The following HDAC8 variants were observed in gnomAD, a reference collection of about 807,000 sequenced individuals.
HDAC8 encodes histone deacetylase 8, also known as histone deacetylase-like 1.
In HDAC8, 1 loss-of-function variant was observed where a neutral mutation model predicts 32.2. The ratio of observed to expected loss-of-function variants is 0.03; its 90% CI spans 0.01 to 0.15. HDAC8 has a LOEUF of 0.15. HDAC8 is among the 10% of genes least tolerant of loss of function. HDAC8 has a pLI of 1.00. For missense variants in HDAC8, 117 were observed against 300.0 expected (o/e 0.39, Z 4.51); for synonymous variants, 108 against 113.9 (o/e 0.95, Z 0.33).
At chrX:72,366,271 G>T (rs1250949421) in intron 9 of HDAC8, among the ~76,000 whole-genome samples, 1 of 111,942 alleles carries the variant, frequency 8.9e-6, no homozygotes, top group Non-Finnish European at 1.9e-5. Context: ...TTGAAAGCAG[G>T]ACATACAAAG....
rs140961477 is a variant in HDAC8 at position 72,530,755 on chromosome X, T to C, written c.438-35487A>G. ...AATCAATCAGCCATTAATTGGTATCTTACCATGGGCCAGGCTTATACTTAG... is the reference window on the plus strand; with the variant it reads ...AATCAATCAGCCATTAATTGGTATCCTACCATGGGCCAGGCTTATACTTAG... On this transcript the variant is annotated intron_variant, in intron 4 of 10. Coordinates refer to ENST00000373573, the MANE Select transcript of HDAC8 (RefSeq NM_018486.3). Among the ~76,000 whole-genome samples the C allele has an allele frequency of 6.0e-3, 673 of 112,006 alleles. 4 individuals carry two copies. Among genetic ancestry groups the C allele is most frequent in the Non-Finnish European group, 0.011 (577 of 53,188 alleles).
chrX:72,416,320 C>T (rs868948803), intron 9 of HDAC8, among the ~76,000 whole-genome samples: 5 of 102,003 alleles, frequency 4.9e-5, no homozygotes, highest in African/African-American at 7.2e-5. Context: ...ATATAGAATG[C>T]TGTATTTTGC....
intron 9 of HDAC8, among the ~76,000 whole-genome samples, chrX:72,446,722 T>G (rs2047413276): frequency 9.3e-6 from 1 of 107,288 alleles, no homozygotes; most frequent in Non-Finnish European, 1.9e-5. Context: ...GAGAGGAGAA[T>G]CAAATAGACA....
intron 10 of HDAC8, among the ~76,000 whole-genome samples, chrX:72,348,800 C>T (rs1333740942): frequency 2.7e-5 from 3 of 111,676 alleles, no homozygotes; most frequent in Non-Finnish European, 5.6e-5. Context: ...CCTCCCCACA[C>T]CCAACAACTG....
intron 4 of HDAC8, among the ~76,000 whole-genome samples, chrX:72,504,009 C>A (rs1303231991): frequency 6.2e-5 from 7 of 112,124 alleles, no homozygotes; most frequent in Non-Finnish European, 9.4e-5. Flanking sequence ...ATCTTCTTAG[C>A]TTGATAGGCT....
At chrX:72,432,555 A>T (rs1452728192) in intron 9 of HDAC8, among the ~76,000 whole-genome samples, 1 of 99,352 alleles carries the variant, frequency 1.0e-5, no homozygotes, top group African/African-American at 3.7e-5. Flanking sequence ...CCCTTTAGTT[A>T]TTTTTTTTTT....
At chrX:72,513,280 C>A (rs192098669) in intron 4 of HDAC8, among the ~76,000 whole-genome samples, 2 of 111,936 alleles carry the variant, frequency 1.8e-5, no homozygotes, top group Non-Finnish European at 3.8e-5. Flanking sequence ...ACCTTTGGTA[C>A]CTAGCACAGT....
At chrX:72,415,586 T>A (rs1353521503) in intron 9 of HDAC8, among the ~76,000 whole-genome samples, 2 of 111,839 alleles carry the variant, frequency 1.8e-5, no homozygotes, top group African/African-American at 6.5e-5. Flanking sequence ...TGTAGTTAGA[T>A]CTTATTTGAT....
intron 9 of HDAC8, among the ~76,000 whole-genome samples, chrX:72,408,777 C>T (rs1056589042): frequency 2.2e-4 from 24 of 111,273 alleles, no homozygotes; most frequent in African/African-American, 7.5e-4. Flanking sequence ...CAGGTATGTT[C>T]CAGAGACAGC....
At chrX:72,330,562 T>G (rs782090151) in intron 10 of HDAC8, among the ~76,000 whole-genome samples, 1 of 111,949 alleles carries the variant, frequency 8.9e-6, no homozygotes, top group Non-Finnish European at 1.9e-5. Context: ...TCCTAGCATT[T>G]TCTCTTGTGA....
intron 4 of HDAC8, among the ~76,000 whole-genome samples, chrX:72,522,935 A>G (rs961102364): frequency 3.6e-5 from 4 of 112,251 alleles, no homozygotes; most frequent in African/African-American, 1.3e-4. Flanking sequence ...TTCCACGTCA[A>G]TAAGTGTAGA....
chrX:72,427,973 T>C (rs1555976129), intron 9 of HDAC8, among the ~76,000 whole-genome samples: 3 of 112,637 alleles, frequency 2.7e-5, no homozygotes, highest in East Asian at 2.8e-4. Context: ...TCTTAAATAG[T>C]TCCCTGTCCT....
At chrX:72,415,947 G>C (rs1325664128) in intron 9 of HDAC8, among the ~76,000 whole-genome samples, 2 of 111,522 alleles carry the variant, frequency 1.8e-5, no homozygotes, top group East Asian at 5.6e-4. Flanking sequence ...GCTGCCTGCT[G>C]TGTCTTTCAG....
chrX:72,516,450 C>T (rs1217553451), intron 4 of HDAC8, among the ~76,000 whole-genome samples: 3 of 110,363 alleles, frequency 2.7e-5, no homozygotes, highest in African/African-American at 9.9e-5. Context: ...TACAGCAAAG[C>T]AGTAAAAGAT....
At chrX:72,514,529 T>C (rs1222963600) in intron 4 of HDAC8, among the ~76,000 whole-genome samples, 2 of 112,492 alleles carry the variant, frequency 1.8e-5, no homozygotes, top group African/African-American at 6.4e-5. Context: ...AATAAAATTT[T>C]ATGTGGAATC....
intron 7 of HDAC8, chrX:72,474,445 A>G (rs962046773): frequency 3.0e-6 from 3 of 985,495 alleles, no homozygotes; most frequent in Non-Finnish European, 2.5e-6. Flanking sequence ...TTCCCTAACC[A>G]CTGTAACAGT....
At position 72,456,136 on chromosome X, in the gene HDAC8, TG is replaced by T. The variant is rs781970912; in HGVS notation, c.1005+5867del. ...GTAGAAGCAGGTATGAGAAGTCAGC[TG>T]TCTTCTATTAAGCCAGATGTTAAAG... On this transcript the variant is annotated intron_variant, in intron 9 of 10. Coordinates refer to ENST00000373573, the MANE Select transcript of HDAC8 (RefSeq NM_018486.3). Among the ~76,000 whole-genome samples, 4 of 112,280 alleles carry T rather than the reference TG, an allele frequency of 3.6e-5. No homozygotes were observed. In the East Asian group the frequency reaches 1.1e-3, roughly 31 times the overall value.
chrX:72,373,164 A>C (rs1469444373), intron 9 of HDAC8, among the ~76,000 whole-genome samples: 2 of 112,705 alleles, frequency 1.8e-5, no homozygotes, highest in Non-Finnish European at 3.7e-5. Context: ...GACTCCAAAA[A>C]TCATTGCTTT....
chrX:72,355,398 G>A (rs1210026048), intron 9 of HDAC8, among the ~76,000 whole-genome samples: 1 of 111,731 alleles, frequency 9.0e-6, no homozygotes, highest in African/African-American at 3.3e-5. Flanking sequence ...AGGAAAGAGG[G>A]AGGTGCTAAC....
Sources: gnomAD v4.1 joint callset for allele counts (sites outside exome capture counted in the v4.1 genomes callset) on GRCh38, gnomAD v4.1.1 for gene constraint, MANE v1.5 for transcripts, NCBI Gene and HGNC (gene_info 2026-07-23, HGNC 2026-07-21) for gene names.